AK4: variants seen among roughly 807,000 people sequenced by gnomAD.
AK4 encodes adenylate kinase 4.
AK4 carries 13 observed loss-of-function variants against 24.6 expected under a neutral mutation model. The ratio of observed to expected loss-of-function variants is 0.53; its 90% CI spans 0.34 to 0.84. AK4 has a LOEUF of 0.84. AK4 is among the 40% of genes least tolerant of loss of function. The probability of loss-of-function intolerance (pLI) is 0.01; values close to 1 mark genes in which losing one functional copy is unlikely to be tolerated. For synonymous variants in AK4, 88 were observed against 107.0 expected, an observed-to-expected ratio of 0.82 and a Z score of 1.10; for missense variants, 192 against 288.2, an observed-to-expected ratio of 0.67 and a Z score of 2.42.
chr1:65,151,869 A>G (rs1226254882), intron 1 of AK4, among the ~76,000 whole-genome samples: 1 of 152,166 alleles, frequency 6.6e-6, no homozygotes, highest in African/African-American at 2.4e-5. Context: ...CAGATACCTC[A>G]TTTGAAGAGT....
chr1:65,155,860 C>CGG (rs71762226), intron 1 of AK4, among the ~76,000 whole-genome samples: 26,155 of 151,896 alleles, frequency 0.17, 3,593 homozygotes, highest in African/African-American at 0.37. Context: ...TTAGTAGAGA[C>CGG]GGTTTCACCG....
At chr1:65,180,253 G>C (rs1650853062) in intron 1 of AK4, among the ~76,000 whole-genome samples, 1 of 152,142 alleles carries the variant, frequency 6.6e-6, no homozygotes, top group Non-Finnish European at 1.5e-5. Flanking sequence ...TTCGAGACCA[G>C]CCTGGGCAAC....
chr1:65,204,338 T>G (rs1393421986), intron 2 of AK4, among the ~76,000 whole-genome samples: 1 of 152,006 alleles, frequency 6.6e-6, no homozygotes, highest in Non-Finnish European at 1.5e-5. Context: ...GTAGTGGGAT[T>G]ACAGGCACGC....
chr1:65,188,162 A>T (rs1434467891), intron 1 of AK4, among the ~76,000 whole-genome samples: 4 of 152,132 alleles, frequency 2.6e-5, no homozygotes, highest in South Asian at 2.1e-4. Flanking sequence ...TGGGAGGCAG[A>T]TGTGGGCGGA....
intron 1 of AK4, among the ~76,000 whole-genome samples, chr1:65,188,002 G>A (rs1651160810): frequency 6.6e-6 from 1 of 152,156 alleles, no homozygotes; most frequent in African/African-American, 2.4e-5. Flanking sequence ...TAGTACTCAA[G>A]AGATATGGAG....
At position 65,190,256 on chromosome 1, in the gene AK4, C is replaced by A. The variant is rs1651247446; in HGVS notation, c.146-454C>A. On this transcript the variant is annotated intron_variant, in intron 1 of 4. Transcript: ENST00000327299. Reference sequence around the variant, plus strand: ...TCTTTCCTGCTTTCTTGGTTTCTTTCTTTCTTTTTTTTTTTTGAGACAGGG... The same window carrying A: ...TCTTTCCTGCTTTCTTGGTTTCTTTATTTCTTTTTTTTTTTTGAGACAGGG... Among the ~76,000 whole-genome samples, 4 of 149,120 alleles carry A rather than the reference C, an allele frequency of 2.7e-5. 1 individual carries two copies. The South Asian group carries it at 8.4e-4, about 31-fold the overall frequency.
chr1:65,195,399 CTT>C (rs1464744722), intron 2 of AK4, among the ~76,000 whole-genome samples: 1 of 152,182 alleles, frequency 6.6e-6, no homozygotes, highest in African/African-American at 2.4e-5. Flanking sequence ...GACTGATAAA[CTT>C]TGACTTTGCC....
At chr1:65,183,053 T>C (rs1650962603) in intron 1 of AK4, among the ~76,000 whole-genome samples, 1 of 152,190 alleles carries the variant, frequency 6.6e-6, no homozygotes. Context: ...TAGATTGATA[T>C]AGGGCCTGGC....
chr1:65,153,820 C>A (rs77363140), intron 1 of AK4, among the ~76,000 whole-genome samples: 5 of 151,982 alleles, frequency 3.3e-5, no homozygotes, highest in Non-Finnish European at 7.4e-5. Flanking sequence ...CAGGTTGTTC[C>A]AGGAAGAAGG....
intron 2 of AK4, among the ~76,000 whole-genome samples, chr1:65,215,427 C>T (rs1652102547): frequency 6.6e-6 from 1 of 152,192 alleles, no homozygotes; most frequent in African/African-American, 2.4e-5. Flanking sequence ...CCGCCTCGGC[C>T]TCCCAAAGTG....
At chr1:65,195,737 A>G (rs80260428) in intron 2 of AK4, among the ~76,000 whole-genome samples, 12,818 of 152,264 alleles carry the variant, frequency 0.084, 738 homozygotes, top group Admixed American at 0.22. Context: ...CTTGCCTTAT[A>G]TAAGTGCTGT....
chr1:65,170,799 CA>C (rs902369498), intron 1 of AK4, among the ~76,000 whole-genome samples: 2 of 151,938 alleles, frequency 1.3e-5, no homozygotes, highest in African/African-American at 2.4e-5. Flanking sequence ...AGTGAAAGGC[CA>C]AAAAAATTTG....
chr1:65,189,377 C>T (rs1651215992), intron 1 of AK4, among the ~76,000 whole-genome samples: 1 of 149,158 alleles, frequency 6.7e-6, no homozygotes, highest in Non-Finnish European at 1.5e-5. Flanking sequence ...CTCCTGGGTT[C>T]AAGTGATTCT....
chr1:65,213,405 G>C (rs915356308), intron 2 of AK4, among the ~76,000 whole-genome samples: 2 of 152,120 alleles, frequency 1.3e-5, no homozygotes, highest in Non-Finnish European at 2.9e-5. Flanking sequence ...CTGTGCTGGG[G>C]TTGAGCTCCC....
At position 65,172,062 on chromosome 1, in the gene AK4, A is replaced by AATATATAT. The variant is rs1406842262; in HGVS notation, c.146-18648_146-18647insATATATAT. Among the ~76,000 whole-genome samples the AATATATAT allele has an allele frequency of 2.8e-3, 84 of 29,920 alleles. 2 individuals carry two copies. Among genetic ancestry groups the AATATATAT allele is most frequent in the Non-Finnish European group, 6.6e-3 (71 of 10,770 alleles). 19.6% of individuals were successfully genotyped at this position (29,920 alleles called of 152,430 possible). A position where few individuals can be genotyped will look rare whatever the true frequency, so the allele number is the denominator to read the frequency against. ...AGCAACAGAGAGAGACTCCATCTCA[A>AATATATAT]GTATATATATATATATATATATATA... On this transcript the variant is annotated intron_variant, in intron 1 of 4. Coordinates refer to ENST00000327299, the MANE Select transcript of AK4 (RefSeq NM_013410.4).
At chr1:65,208,269 T>C (rs755203941) in intron 2 of AK4, among the ~76,000 whole-genome samples, 3 of 152,184 alleles carry the variant, frequency 2.0e-5, no homozygotes, top group Non-Finnish European at 4.4e-5. Flanking sequence ...CTGGATGACA[T>C]GGAATATGGA....
chr1:65,155,088 G>A (rs892079280), intron 1 of AK4, among the ~76,000 whole-genome samples: 2 of 151,646 alleles, frequency 1.3e-5, no homozygotes, highest in African/African-American at 4.8e-5. Context: ...TGACCTAGGT[G>A]ATCCACCTGC....
intron 1 of AK4, among the ~76,000 whole-genome samples, chr1:65,176,106 G>A (rs1287876584): frequency 6.6e-6 from 1 of 152,170 alleles, no homozygotes. Flanking sequence ...AATATGAAGG[G>A]TGAAATAATA....
chr1:65,160,846 C>T (rs567147084), intron 1 of AK4, among the ~76,000 whole-genome samples: 1 of 152,254 alleles, frequency 6.6e-6, no homozygotes, highest in African/African-American at 2.4e-5. Context: ...CTGCCTGCAT[C>T]GGCTTCTCAA....
Sources: allele counts gnomAD v4.1 joint callset (sites outside exome capture counted in the v4.1 genomes callset), GRCh38; gene constraint gnomAD v4.1.1; transcripts MANE v1.5; gene names NCBI Gene and HGNC (gene_info 2026-07-23, HGNC 2026-07-21).